The following THSD7A variants were observed in gnomAD, a reference collection of about 807,000 sequenced individuals.
THSD7A encodes the protein thrombospondin type-1 domain-containing protein 7A.
A neutral mutation model predicts 231.3 loss-of-function variants in THSD7A; 96 were observed. That is an observed-to-expected ratio of 0.41 (90% CI 0.35 to 0.49). The LOEUF is 0.49. Among genes scored for constraint, THSD7A ranks in the 20% least tolerant of loss-of-function variants. The probability of loss-of-function intolerance (pLI) is 0.05; values close to 1 mark genes in which losing one functional copy is unlikely to be tolerated. For missense variants in THSD7A, 2,290 were observed against 2,070.2 expected (o/e 1.11, Z -2.06); for synonymous variants, 940 against 743.3 (o/e 1.26, Z -4.30).
At chr7:11,777,437 A>G (rs1014049845) in intron 1 of THSD7A, among the ~76,000 whole-genome samples, 18 of 151,716 alleles carry the variant, frequency 1.2e-4, no homozygotes, top group Non-Finnish European at 2.4e-4. Context: ...ACACACACAC[A>G]CACACACACA....
intron 6 of THSD7A, among the ~76,000 whole-genome samples, chr7:11,498,087 T>C (rs1230681347): frequency 2.0e-5 from 3 of 152,142 alleles, no homozygotes; most frequent in African/African-American, 4.8e-5. Flanking sequence ...CTGGCAAAAG[T>C]AGCTGCAGCT....
chr7:11,697,506 ATTTC>A (rs1175721906), intron 1 of THSD7A, among the ~76,000 whole-genome samples: 1 of 151,302 alleles, frequency 6.6e-6, no homozygotes, highest in Non-Finnish European at 1.5e-5. Context: ...TGGAGTAAAT[ATTTC>A]TTGAATGAGT....
At chr7:11,513,034 T>G (rs1457183279) in intron 6 of THSD7A, among the ~76,000 whole-genome samples, 2 of 149,922 alleles carry the variant, frequency 1.3e-5, no homozygotes, top group African/African-American at 5.0e-5. Context: ...TGGAGACTAT[T>G]ATTCTGAGTG....
At chr7:11,675,958 C>T (rs2128137202) in intron 1 of THSD7A, among the ~76,000 whole-genome samples, 1 of 152,298 alleles carries the variant, frequency 6.6e-6, no homozygotes, top group Middle Eastern at 3.4e-3. Flanking sequence ...GACCCATGAG[C>T]CTCCTGATGG....
intron 1 of THSD7A, among the ~76,000 whole-genome samples, chr7:11,693,234 A>G (rs1780288821): frequency 6.6e-6 from 1 of 151,618 alleles, no homozygotes; most frequent in Non-Finnish European, 1.5e-5. Flanking sequence ...CATTTCTAAC[A>G]AAGGACATAC....
At chr7:11,789,555 T>C (rs2128177442) in intron 1 of THSD7A, among the ~76,000 whole-genome samples, 1 of 134,132 alleles carries the variant, frequency 7.5e-6, no homozygotes, top group East Asian at 2.2e-4. Flanking sequence ...TGCCCATTTA[T>C]TTGTCTTTTT....
chr7:11,503,944 C>A (rs967669212), intron 6 of THSD7A, among the ~76,000 whole-genome samples: 2 of 152,146 alleles, frequency 1.3e-5, no homozygotes, highest in African/African-American at 4.8e-5. Flanking sequence ...TTTGGTCCAG[C>A]AATCCCATTA....
rs146921848 is a variant in THSD7A at position 11,783,265 on chromosome 7, A to G, written c.190+48492T>C. Reference sequence around the variant, plus strand: ...TAGCGTAGCTAACCTATACATGCTCAGAACACTTACATTAGCCTACTGGTG... The same window carrying G: ...TAGCGTAGCTAACCTATACATGCTCGGAACACTTACATTAGCCTACTGGTG... On this transcript the variant is annotated intron_variant, in intron 1 of 27. Coordinates refer to ENST00000423059, the MANE Select transcript of THSD7A (RefSeq NM_015204.3). Among the ~76,000 whole-genome samples, 649 of 152,302 alleles carry G rather than the reference A, an allele frequency of 4.3e-3. 2 individuals are homozygous for G. The highest frequency in any genetic ancestry group is 7.0e-3 in the Non-Finnish European group (473 of 67,998).
intron 4 of THSD7A, among the ~76,000 whole-genome samples, chr7:11,581,470 A>G (rs17164823): frequency 0.25 from 37,591 of 151,872 alleles, 4,708 homozygotes; most frequent in African/African-American, 0.28. Flanking sequence ...TTCTTTGCCA[A>G]TGTCATTTTT....
Position 11,407,024 on chromosome 7 carries a change from C to T in THSD7A, c.3948G>A (p.Gln1316=). The part of the protein sequence containing the change: ...GKMIRRRTVT[Q]PFQGDGRPCP... ...ATGGTCTTCCATCACCTTGAAAGGG[C>T]TGGGTCACTGTTCGTCTTCGGATCA... Residue 1316 remains glutamine, a synonymous_variant, in exon 21 of 28, where the codon CAG becomes CAA. Coordinates refer to ENST00000423059, the MANE Select transcript of THSD7A (RefSeq NM_015204.3). 1 of 1,613,812 alleles carries T rather than the reference C, an allele frequency of 6.2e-7. No homozygotes were observed. The highest frequency in any genetic ancestry group is 8.5e-7 in the Non-Finnish European group (1 of 1,179,846).
rs1207716617 is a variant in THSD7A, at chr7:11,447,363, T to C, written c.2667A>G (p.Ala889=). The change falls in exon 12 of 28, where the codon GCA becomes GCG. Residue 889 remains alanine (A), a synonymous_variant. Transcript: ENST00000423059. Reference sequence around the variant, plus strand: ...CCTGGGTAAGGGCTGGCACAGGGCCTGCATACTGTAGGCACTCATGGATTC... The same window carrying C: ...CCTGGGTAAGGGCTGGCACAGGGCCCGCATACTGTAGGCACTCATGGATTC... ...QAGIHECLQY[A]GPVPALTQAC... 1 of 1,611,504 alleles carries C rather than the reference T, an allele frequency of 6.2e-7. No individual in the cohort carries two copies. Among genetic ancestry groups the C allele is most frequent in the Non-Finnish European group, 8.5e-7 (1 of 1,178,846 alleles).
rs761841418 is a variant in THSD7A, at chr7:11,546,202, G to GCGCGCACACACACACA, written c.1454-3086_1454-3085insTGTGTGTGTGTGCGCG. On this transcript the variant is annotated intron_variant, in intron 4 of 27. Transcript: ENST00000423059. The stretch of plus-strand genomic sequence containing the variant: ...TCTGTTGTTGCTGGTGTGGGCGCGC[G>GCGCGCACACACACACA]CTCACACACACACACACACACACAC... 1.1e-3 allele frequency among the ~76,000 whole-genome samples: 146 copies of GCGCGCACACACACACA among 129,450 alleles called. 1 individual carries two copies. The Middle Eastern group carries it at 0.012, about 10-fold the overall frequency. 84.9% of individuals were successfully genotyped at this position (129,450 alleles called of 152,430 possible).
intron 6 of THSD7A, among the ~76,000 whole-genome samples, chr7:11,505,696 T>C (rs1433402247): frequency 6.6e-6 from 1 of 152,112 alleles, no homozygotes; most frequent in Non-Finnish European, 1.5e-5. Context: ...GCATACAACA[T>C]TGGGTGTTCA....
intron 1 of THSD7A, among the ~76,000 whole-genome samples, chr7:11,715,802 A>G (rs2128150746): frequency 6.6e-6 from 1 of 151,632 alleles, no homozygotes; most frequent in East Asian, 2.0e-4. Context: ...TCATCCCTGA[A>G]CTTTCCAGAG....
At chr7:11,605,756 C>T (rs990753108) in intron 2 of THSD7A, among the ~76,000 whole-genome samples, 7 of 152,072 alleles carry the variant, frequency 4.6e-5, no homozygotes, top group African/African-American at 7.2e-5. Flanking sequence ...AGCCCTAAGC[C>T]AAGTTTCCAG....
At chr7:11,735,876 A>G (rs1781897954) in intron 1 of THSD7A, among the ~76,000 whole-genome samples, 1 of 151,960 alleles carries the variant, frequency 6.6e-6, no homozygotes, top group Admixed American at 6.6e-5. Flanking sequence ...TACACATGAA[A>G]ATATTCTTCA....
At chr7:11,723,748 C>T (rs1342855636) in intron 1 of THSD7A, among the ~76,000 whole-genome samples, 1 of 151,876 alleles carries the variant, frequency 6.6e-6, no homozygotes, top group Non-Finnish European at 1.5e-5. Context: ...TTCAAAGGTT[C>T]TGAAAAACAA....
intron 1 of THSD7A, among the ~76,000 whole-genome samples, chr7:11,741,262 G>A (rs973980143): frequency 6.6e-6 from 1 of 151,824 alleles, no homozygotes; most frequent in Non-Finnish European, 1.5e-5. Context: ...TTTGACTCAG[G>A]AAAAAACTGT....
intron 13 of THSD7A, among the ~76,000 whole-genome samples, chr7:11,430,800 T>C (rs1208263123): frequency 6.6e-6 from 1 of 152,200 alleles, no homozygotes; most frequent in Non-Finnish European, 1.5e-5. Flanking sequence ...GTTTTCAAGG[T>C]TCATTTATGT....
Sources: allele counts gnomAD v4.1 joint callset (sites outside exome capture counted in the v4.1 genomes callset), GRCh38; gene constraint gnomAD v4.1.1; transcripts MANE v1.5; gene names NCBI Gene and HGNC (gene_info 2026-07-23, HGNC 2026-07-21).